The following CTNNA3 variants were observed in gnomAD, a reference collection of about 807,000 sequenced individuals.
The protein encoded by CTNNA3 is catenin alpha 3.
Under a neutral mutation model 95.7 loss-of-function variants are expected in CTNNA3, and 76 were observed. That is an observed-to-expected ratio of 0.79 (90% CI 0.66 to 0.96). CTNNA3 has a LOEUF of 0.96. Among genes scored for constraint, CTNNA3 ranks in the 40% least tolerant of loss-of-function variants. The pLI is 0.00. For synonymous variants in CTNNA3, 431 were observed against 374.4 expected (o/e 1.15, Z -1.74); for missense variants, 1,191 against 1,089.8 (o/e 1.09, Z -1.31).
chr10:66,987,466 G>C (rs944588523), intron 7 of CTNNA3, among the ~76,000 whole-genome samples: 15 of 152,140 alleles, frequency 9.9e-5, no homozygotes, highest in African/African-American at 3.4e-4. Flanking sequence ...TGGGGTCTTA[G>C]CAATCCGAGA....
intron 6 of CTNNA3, among the ~76,000 whole-genome samples, chr10:67,188,635 C>T (rs1005631573): frequency 1.3e-4 from 20 of 152,142 alleles, no homozygotes; most frequent in African/African-American, 4.6e-4. Context: ...AGCAATCCCA[C>T]TACTGTGTAT....
At chr10:66,157,142 C>G (rs1329967489) in intron 13 of CTNNA3, among the ~76,000 whole-genome samples, 1 of 151,884 alleles carries the variant, frequency 6.6e-6, no homozygotes, top group Non-Finnish European at 1.5e-5. Context: ...GCACCCATCA[C>G]CCAAGTAGTA....
chr10:66,772,574 T>C (rs1275932583), intron 8 of CTNNA3, among the ~76,000 whole-genome samples: 4 of 152,120 alleles, frequency 2.6e-5, no homozygotes, highest in African/African-American at 4.8e-5. Flanking sequence ...ACAGAGAACC[T>C]AGAACACCAT....
intron 7 of CTNNA3, among the ~76,000 whole-genome samples, chr10:66,887,859 AAGG>A (rs1845102997): frequency 1.3e-5 from 2 of 152,226 alleles, no homozygotes; most frequent in South Asian, 4.1e-4. Flanking sequence ...TGAGGACAGG[AAGG>A]AGGTTACTCT....
intron 9 of CTNNA3, among the ~76,000 whole-genome samples, chr10:66,659,929 G>A (rs771198234): frequency 6.6e-6 from 1 of 152,028 alleles, no homozygotes; most frequent in African/African-American, 2.4e-5. Flanking sequence ...TGAAAATAAA[G>A]TACTTCTAGG....
intron 9 of CTNNA3, among the ~76,000 whole-genome samples, chr10:66,722,309 C>T (rs1405517036): frequency 3.3e-5 from 5 of 150,720 alleles, no homozygotes; most frequent in Non-Finnish European, 5.9e-5. Flanking sequence ...ACCTGGGAGG[C>T]GGAGCTTGCA....
intron 15 of CTNNA3, among the ~76,000 whole-genome samples, chr10:66,006,683 G>A (rs901793220): frequency 4.6e-5 from 7 of 151,978 alleles, no homozygotes; most frequent in African/African-American, 1.7e-4. Context: ...TGATATACTG[G>A]CTGCCCCTGC....
At chr10:67,673,169 A>G (rs1428662641) in intron 1 of CTNNA3, among the ~76,000 whole-genome samples, 3 of 151,182 alleles carry the variant, frequency 2.0e-5, no homozygotes, top group East Asian at 1.9e-4. Flanking sequence ...TTTGTCTGTT[A>G]TTGGTGTATA....
chr10:66,200,032 T>G (rs530233457), intron 13 of CTNNA3, among the ~76,000 whole-genome samples: 8 of 151,000 alleles, frequency 5.3e-5, no homozygotes, highest in Non-Finnish European at 4.4e-5. Flanking sequence ...TATTATTGAT[T>G]GATTTTAAAC....
At chr10:66,362,175 T>C (rs960053497) in intron 12 of CTNNA3, among the ~76,000 whole-genome samples, 4 of 142,938 alleles carry the variant, frequency 2.8e-5, no homozygotes, top group Non-Finnish European at 6.0e-5. Context: ...CGATCTCAGC[T>C]CACAGCAACC....
intron 11 of CTNNA3, among the ~76,000 whole-genome samples, chr10:66,399,608 A>G (rs184714412): frequency 6.6e-6 from 1 of 151,988 alleles, no homozygotes; most frequent in Non-Finnish European, 1.5e-5. Flanking sequence ...GTCATCAGCT[A>G]TCAAAGCCAA....
intron 7 of CTNNA3, among the ~76,000 whole-genome samples, chr10:66,900,391 T>G (rs1283911209): frequency 6.6e-6 from 1 of 151,910 alleles, no homozygotes; most frequent in Non-Finnish European, 1.5e-5. Flanking sequence ...AGACCAAAGG[T>G]AGATAAAACC....
intron 13 of CTNNA3, among the ~76,000 whole-genome samples, chr10:66,153,399 A>C (rs1360235160): frequency 6.6e-6 from 1 of 151,898 alleles, no homozygotes; most frequent in Non-Finnish European, 1.5e-5. Context: ...CTCCAAAGAA[A>C]GATACTATTT....
intron 10 of CTNNA3, among the ~76,000 whole-genome samples, chr10:66,538,889 T>A (rs1025227825): frequency 1.3e-5 from 2 of 152,172 alleles, no homozygotes; most frequent in Non-Finnish European, 2.9e-5. Flanking sequence ...ATGGTGTTTT[T>A]AAAAAATTTT....
chr10:66,495,019 G>A (rs888998852), intron 11 of CTNNA3, among the ~76,000 whole-genome samples: 1 of 152,170 alleles, frequency 6.6e-6, no homozygotes, highest in Admixed American at 6.5e-5. Flanking sequence ...ATGCAGAGGG[G>A]AATGGGTGAA....
intron 11 of CTNNA3, among the ~76,000 whole-genome samples, chr10:66,446,478 G>A (rs1233372286): frequency 1.1e-4 from 17 of 151,490 alleles, no homozygotes; most frequent in African/African-American, 2.4e-5. Context: ...TATCCACCAT[G>A]ATCAAGTGGG....
At chr10:66,377,654 T>TAA (rs150796926) in intron 12 of CTNNA3, among the ~76,000 whole-genome samples, 6,489 of 146,734 alleles carry the variant, frequency 0.044, 318 homozygotes, top group East Asian at 0.23. Context: ...TTTATTTGTC[T>TAA]AAAAAAAAAA....
chr10:66,346,246 T>TATATATAGAGAGAG (rs1416945569), intron 12 of CTNNA3, among the ~76,000 whole-genome samples: 4 of 27,792 alleles, frequency 1.4e-4, no homozygotes, highest in Non-Finnish European at 2.3e-4. Flanking sequence ...TATATATATA[T>TATATATAGAGAGAG]AGAGAGAGAG....
intron 6 of CTNNA3, among the ~76,000 whole-genome samples, chr10:67,218,410 C>T (rs1295063629): frequency 5.3e-5 from 8 of 152,196 alleles, no homozygotes; most frequent in Non-Finnish European, 7.3e-5. Flanking sequence ...AAGAGACATA[C>T]AGGCCTGGCC....
Sources: allele counts gnomAD v4.1 joint callset (sites outside exome capture counted in the v4.1 genomes callset), GRCh38; gene constraint gnomAD v4.1.1; transcripts MANE v1.5; gene names NCBI Gene and HGNC (gene_info 2026-07-23, HGNC 2026-07-21).